SANBR: variants seen among roughly 807,000 people sequenced by gnomAD.
SANBR encodes SANT and BTB domain regulator of class switch recombination.
Under a neutral mutation model 101.8 loss-of-function variants are expected in SANBR, and 77 were observed. The observed-to-expected ratio is 0.76, with a 90% CI of 0.63 to 0.91. The LOEUF is 0.91. SANBR is among the 40% of genes least tolerant of loss of function. The probability of loss-of-function intolerance (pLI) is 0.00; values close to 1 mark genes in which losing one functional copy is unlikely to be tolerated. For missense variants in SANBR, 875 were observed against 853.0 expected (o/e 1.03, Z -0.32); for synonymous variants, 279 against 274.7 (o/e 1.02, Z -0.15).
Position 61,088,310 on chromosome 2 carries a change from A to C in SANBR, c.978-48A>C, listed in dbSNP as rs921219507. The C allele has an allele frequency of 3.2e-6, 5 of 1,569,560 alleles. No individual in the cohort carries two copies. The African/African-American group carries it at 6.9e-5, about 22-fold the overall frequency. On this transcript the variant is annotated intron_variant, in intron 9 of 21. Transcript: ENST00000402291. The stretch of plus-strand genomic sequence containing the variant: ...GCAGCTATATTCTTTAATTTACTAC[A>C]TTTACATTCTTCTTCCTGGATGTTT...
chr2:61,079,206 T>G (rs1277996620), intron 6 of SANBR, among the ~76,000 whole-genome samples: 1 of 152,136 alleles, frequency 6.6e-6, no homozygotes, highest in Non-Finnish European at 1.5e-5. Flanking sequence ...CCCTTTAGGA[T>G]TCTCAGTTTT....
chr2:61,129,464 A>G (rs1474632700), intron 20 of SANBR, among the ~76,000 whole-genome samples: 4 of 152,044 alleles, frequency 2.6e-5, no homozygotes, highest in Non-Finnish European at 5.9e-5. Flanking sequence ...AACAAGAAAA[A>G]AAGTTATTGA....
chr2:61,066,575 C>G (rs140145933), intron 1 of SANBR: 1 of 152,504 alleles, frequency 6.6e-6, no homozygotes, highest in African/African-American at 2.4e-5. Flanking sequence ...GGCTTCTTCC[C>G]GGTCCGGGAT....
intron 7 of SANBR, among the ~76,000 whole-genome samples, chr2:61,082,858 T>A (rs1217908385): frequency 1.3e-5 from 2 of 152,072 alleles, no homozygotes; most frequent in Non-Finnish European, 2.9e-5. Context: ...TATACTTGAG[T>A]TTATAGACTA....
downstream of SANBR, chr2:61,124,334 C>G: frequency 1.2e-6 from 1 of 808,822 alleles, no homozygotes; most frequent in South Asian, 5.7e-5. Context: ...GAAAAAAAGT[C>G]TGGAGTAGCT....
intron 10 of SANBR, among the ~76,000 whole-genome samples, chr2:61,092,082 ATTTGCCTAATTCCCAAC>A (rs759050792): frequency 8.5e-5 from 13 of 152,250 alleles, no homozygotes; most frequent in Non-Finnish European, 1.6e-4. Flanking sequence ...TCCATTTAAC[ATTTGCCTAATTCCCAAC>A]TCTTGGCCTG....
chr2:61,101,460 G>T (rs188043441), intron 12 of SANBR, among the ~76,000 whole-genome samples: 1 of 152,168 alleles, frequency 6.6e-6, no homozygotes, highest in African/African-American at 2.4e-5. Context: ...TTGGCTGGGC[G>T]CTGTGGCTCA....
At chr2:61,134,314 A>T (rs1354686217) in intron 21 of SANBR, 1 of 1,513,784 alleles carries the variant, frequency 6.6e-7, no homozygotes, top group Admixed American at 2.1e-5. Flanking sequence ...TTAGTAGACC[A>T]CATGAAAGAC....
At chr2:61,125,420 C>A (rs369644905), downstream of SANBR, among the ~76,000 whole-genome samples, 4 of 152,208 alleles carry the variant, frequency 2.6e-5, no homozygotes, top group Non-Finnish European at 5.9e-5. Flanking sequence ...TTGAAACTTA[C>A]AAGCAAATCA....
intron 20 of SANBR, among the ~76,000 whole-genome samples, chr2:61,119,042 A>G (rs1684214163): frequency 6.6e-6 from 1 of 152,206 alleles, no homozygotes; most frequent in Non-Finnish European, 1.5e-5. Flanking sequence ...ACCAAATGCT[A>G]ACTATCCAGC....
At chr2:61,113,541 A>T (rs1305405530) in intron 16 of SANBR, among the ~76,000 whole-genome samples, 1 of 152,158 alleles carries the variant, frequency 6.6e-6, no homozygotes, top group African/African-American at 2.4e-5. Context: ...GGTGTTGAAC[A>T]TCTTTTGTTA....
At chr2:61,136,653 G>A (rs1684859100) in intron 21 of SANBR, among the ~76,000 whole-genome samples, 1 of 148,958 alleles carries the variant, frequency 6.7e-6, no homozygotes, top group South Asian at 2.1e-4. Context: ...ATGATGGCAA[G>A]CAAACTGATG....
downstream of SANBR, among the ~76,000 whole-genome samples, chr2:61,124,892 AG>A (rs954289079): frequency 9.2e-5 from 14 of 152,268 alleles, no homozygotes; most frequent in Non-Finnish European, 1.8e-4. Context: ...TTGCTTTGGA[AG>A]CTGAGGCTGA....
Position 61,117,466 on chromosome 2 carries a change from G to A in SANBR, c.1866-1G>A. 6.2e-7 allele frequency: 1 copy of A among 1,613,636 alleles called. No homozygotes were observed. The highest frequency in any genetic ancestry group is 2.2e-5 in the East Asian group (1 of 44,836). ...TGATTTTTGTTCAATTTTTTCAATA[G>A]TATGAGTATGCAGAAGAATAAGTGG... On this transcript the variant is annotated splice_acceptor_variant, in intron 18 of 21. Transcript: ENST00000402291. LOFTEE classifies it high-confidence loss of function.
intron 5 of SANBR, 23 bp downstream of exon 5, chr2:61,073,574 G>A (rs1448322000): frequency 7.4e-7 from 1 of 1,350,544 alleles, no homozygotes; most frequent in Non-Finnish European, 1.0e-6. Context: ...TTGTTTGCTA[G>A]ATAAGATTAA....
chr2:61,068,812 A>G (rs1681313222), intron 1 of SANBR, 37 bp from the exon 2 acceptor site: 1 of 152,360 alleles, frequency 6.6e-6, no homozygotes, highest in African/African-American at 2.4e-5. Flanking sequence ...CCTCAGAAGT[A>G]TGTAAGCTAG....
intron 8 of SANBR, among the ~76,000 whole-genome samples, chr2:61,084,679 G>A (rs1333575593): frequency 6.6e-6 from 1 of 152,128 alleles, no homozygotes; most frequent in Non-Finnish European, 1.5e-5. Context: ...TATACTTTAG[G>A]TGTGAATGCA....
At position 61,088,396 on chromosome 2, in the gene SANBR, A is replaced by G. The variant is rs752131233; in HGVS notation, c.1016A>G (p.Glu339Gly). The change falls in exon 10 of 22, where the codon GAA (glutamate) becomes GGA (glycine). Residue 339 changes from glutamate (E) to glycine (G), a missense_variant. Coordinates refer to ENST00000402291, the MANE Select transcript of SANBR (RefSeq NM_001129993.3). ...LCKKLLTKET[E>G]RRIPCIPGKI... ...AAGAAACTTTTAACAAAAGAAACAG[A>G]AAGAAGAATTCCTTGCATTCCTGGA... 3 of 1,604,252 alleles carry G rather than the reference A, an allele frequency of 1.9e-6. No homozygotes were observed. Among genetic ancestry groups the G allele is most frequent in the South Asian group, 1.1e-5 (1 of 88,516 alleles).
At chr2:61,093,258 T>G (rs1202300068) in intron 11 of SANBR, 1 of 152,206 alleles carries the variant, frequency 6.6e-6, no homozygotes, top group East Asian at 1.9e-4. Flanking sequence ...CTTTTTTTAT[T>G]TCCATTCCTG....
Sources: gnomAD v4.1 joint callset for allele counts (sites outside exome capture counted in the v4.1 genomes callset) on GRCh38, gnomAD v4.1.1 for gene constraint, MANE v1.5 for transcripts, NCBI Gene and HGNC (gene_info 2026-07-23, HGNC 2026-07-21) for gene names.